Variants in CHFR observed in about 807,000 individuals in gnomAD.
CHFR encodes the protein checkpoint with forkhead and ring finger domains, also known as E3 ubiquitin-protein ligase CHFR.
A neutral mutation model predicts 87.6 loss-of-function variants in CHFR; 57 were observed. The observed-to-expected ratio is 0.65, with a 90% CI of 0.53 to 0.81. The LOEUF is 0.81. Among genes scored for constraint, CHFR ranks in the 30% least tolerant of loss-of-function variants. The pLI, the probability that CHFR is intolerant of heterozygous loss-of-function variation, is 0.00. For synonymous variants in CHFR, 381 were observed against 359.2 expected (o/e 1.06, Z -0.69); for missense variants, 797 against 865.8 (o/e 0.92, Z 1.00).
chr12:132,884,700 A>G (rs1289412880), intron 2 of CHFR, among the ~76,000 whole-genome samples: 1 of 152,160 alleles, frequency 6.6e-6, no homozygotes, highest in African/African-American at 2.4e-5. Context: ...GGACACAGCA[A>G]GAAAGTGGCC....
At position 132,861,450 on chromosome 12, in the gene CHFR, C is replaced by T. The variant is rs1488709119; in HGVS notation, c.751+17G>A. On this transcript the variant is annotated intron_variant, in intron 7 of 17. Transcript: ENST00000450056. ...AGCACACGAGAGGACTGAGGACACACACAACCAGACACTAACCTCCTCTCA... is the reference window on the plus strand; with the variant it reads ...AGCACACGAGAGGACTGAGGACACATACAACCAGACACTAACCTCCTCTCA... 3.1e-6 allele frequency: 5 copies of T among 1,612,582 alleles called. No individual in the cohort carries two copies. Among genetic ancestry groups the T allele is most frequent in the Non-Finnish European group, 4.2e-6 (5 of 1,178,784 alleles).
intron 5 of CHFR, 186 bp from the exon 6 acceptor site, chr12:132,869,984 G>T: frequency 1.5e-6 from 1 of 662,468 alleles, no homozygotes; most frequent in Admixed American, 2.7e-5. Context: ...CGAGGCAGGT[G>T]TATCTCCTGA....
chr12:132,860,029 A>T (rs1420091349), intron 7 of CHFR, among the ~76,000 whole-genome samples: 1 of 152,172 alleles, frequency 6.6e-6, no homozygotes, highest in Non-Finnish European at 1.5e-5. Context: ...TAGGTGACAA[A>T]GCAAGATCCT....
intron 2 of CHFR, among the ~76,000 whole-genome samples, chr12:132,884,074 C>T (rs899298456): frequency 5.3e-5 from 8 of 152,130 alleles, no homozygotes; most frequent in African/African-American, 1.4e-4. Flanking sequence ...GAGTGAAGAT[C>T]GCACCACTGC....
chr12:132,842,988 C>A (rs1275602613), intron 17 of CHFR, 23 bp downstream of exon 17: 1 of 1,596,914 alleles, frequency 6.3e-7, no homozygotes, highest in East Asian at 2.2e-5. Context: ...GTAGCTGACG[C>A]CTGTGCCCCC....
chr12:132,868,187 G>A (rs756302238), intron 6 of CHFR, among the ~76,000 whole-genome samples: 6 of 152,134 alleles, frequency 3.9e-5, no homozygotes, highest in East Asian at 1.9e-4. Context: ...AAAACACCAC[G>A]CTAAGTGAAA....
intron 3 of CHFR, among the ~76,000 whole-genome samples, chr12:132,876,240 T>C (rs992051392): frequency 6.6e-6 from 1 of 152,232 alleles, no homozygotes; most frequent in African/African-American, 2.4e-5. Context: ...ATTGCATTTA[T>C]GCAAAATATA....
At chr12:132,879,384 AT>A (rs571452651) in intron 2 of CHFR, among the ~76,000 whole-genome samples, 1,447 of 132,996 alleles carry the variant, frequency 0.011, 8 homozygotes, top group Middle Eastern at 0.02. Context: ...ACACTTTGGG[AT>A]TTTTTTTTTC....
At chr12:132,887,446 G>A in intron 1 of CHFR, 101 bp downstream of exon 1, 1 of 847,970 alleles carries the variant, frequency 1.2e-6, no homozygotes, top group Non-Finnish European at 1.4e-6. Flanking sequence ...CGCCCACGCA[G>A]CCCCGCAGCC....
chr12:132,859,645 C>T (rs527509659), intron 7 of CHFR, among the ~76,000 whole-genome samples: 2 of 152,156 alleles, frequency 1.3e-5, no homozygotes, highest in Non-Finnish European at 2.9e-5. Flanking sequence ...CTACCGCGCC[C>T]CACCCTCTTC....
rs2306537 is a variant in CHFR, at chr12:132,847,109, A to G, written c.1669T>C (p.Leu557=). 436,118 of 1,612,686 alleles carry G rather than the reference A, an allele frequency of 0.27. 63,895 individuals carry two copies. Among genetic ancestry groups the G allele is most frequent in the Non-Finnish European group, 0.31 (363,267 of 1,178,906 alleles). ...ILKNYLATRG[L]TWKNMLTESL... Reference sequence around the variant, plus strand: ...TCGGTCAACATGTTTTTCCATGTCAAACCTCTGGTTGCCAGGTAATTCTGT... The same window carrying G: ...TCGGTCAACATGTTTTTCCATGTCAGACCTCTGGTTGCCAGGTAATTCTGT... Residue 557 remains leucine, a synonymous_variant, in exon 15 of 18, where the codon TTG becomes CTG. Transcript: ENST00000450056.
At chr12:132,850,125 T>C (rs1197455844) in intron 12 of CHFR, among the ~76,000 whole-genome samples, 1 of 152,134 alleles carries the variant, frequency 6.6e-6, no homozygotes, top group Non-Finnish European at 1.5e-5. Context: ...GGCTAATTTT[T>C]TGTAATTTTA....
chr12:132,844,082 G>A lies in CHFR; in HGVS notation c.1788C>T (p.Ser596=). The change falls in exon 16 of 18, where the codon AGC becomes AGT. Residue 596 remains serine, a synonymous_variant. Transcript: ENST00000450056. ...TVLCYCCGLR[S]FRELTYQYRQ... ...GATACTGATAGGTCAGCTCACGGAAGCTGCGCAGGCCACAGCAGTAACACA... is the reference window on the plus strand; with the variant it reads ...GATACTGATAGGTCAGCTCACGGAAACTGCGCAGGCCACAGCAGTAACACA... 6.2e-7 allele frequency: 1 copy of A among 1,613,932 alleles called. No individual in the cohort carries two copies. Among genetic ancestry groups the A allele is most frequent in the Non-Finnish European group, 8.5e-7 (1 of 1,179,852 alleles).
chr12:132,858,087 T>C (rs958303116), intron 8 of CHFR, among the ~76,000 whole-genome samples: 3 of 152,146 alleles, frequency 2.0e-5, no homozygotes, highest in African/African-American at 4.8e-5. Context: ...CCATGCGGGG[T>C]GGCTCACGTC....
At chr12:132,848,860 G>GAT (rs2136934888) in intron 12 of CHFR, 136 bp from the exon 13 acceptor site, 1 of 646,178 alleles carries the variant, frequency 1.5e-6, no homozygotes, top group East Asian at 2.9e-5. Flanking sequence ...ATCGGGGCGG[G>GAT]GCCACATCCA....
chr12:132,851,990 C>CT (rs899111451), intron 11 of CHFR, among the ~76,000 whole-genome samples: 72 of 144,046 alleles, frequency 5.0e-4, no homozygotes, highest in Middle Eastern at 3.5e-3. Context: ...TGCAAGTTCT[C>CT]TTTTTTTTTT....
intron 2 of CHFR, among the ~76,000 whole-genome samples, chr12:132,883,358 G>A (rs1273280602): frequency 4.0e-5 from 6 of 150,808 alleles, no homozygotes; most frequent in African/African-American, 1.5e-4. Context: ...CCTGGGAGGC[G>A]GAGGTTGCAG....
At position 132,836,582 on chromosome 12, in the gene CHFR, A is replaced by G; in HGVS notation, c.*4972T>C. 1 of 449,160 alleles carries G rather than the reference A, an allele frequency of 2.2e-6. No homozygotes were observed. The highest frequency in any genetic ancestry group is 1.6e-5 in the South Asian group (1 of 63,594). The allele number at this position is 449,160 out of a possible 1,614,324, so 27.8% of individuals were successfully genotyped here. ...CAGTGACAGGCTCCCAGCACGGCGC[A>G]CGGCACTCACTCCTGGTCTGACTGG... On this transcript the variant is annotated 3_prime_UTR_variant, in exon 18 of 18. Transcript: ENST00000450056.
intron 11 of CHFR, among the ~76,000 whole-genome samples, chr12:132,853,183 GGTT>G (rs533686725): frequency 1.3e-5 from 2 of 152,180 alleles, no homozygotes; most frequent in Non-Finnish European, 2.9e-5. Context: ...TTAAGGTCAG[GGTT>G]GTTAATTCCC....
Sources: allele counts gnomAD v4.1 joint callset (sites outside exome capture counted in the v4.1 genomes callset), GRCh38; gene constraint gnomAD v4.1.1; transcripts MANE v1.5; gene names NCBI Gene and HGNC (gene_info 2026-07-23, HGNC 2026-07-21).